DUSP22: variants seen among roughly 807,000 people sequenced by gnomAD.
The protein encoded by DUSP22 is dual specificity phosphatase 22, also known as dual specificity protein phosphatase 22.
DUSP22 carries 24 observed loss-of-function variants against 24.5 expected under a neutral mutation model. The ratio of observed to expected loss-of-function variants is 0.98; its 90% CI spans 0.71 to 1.38. The LOEUF (loss-of-function observed/expected upper bound fraction) is 1.38. DUSP22 is among the 40% of genes most tolerant of loss of function. The pLI is 0.00. For synonymous variants in DUSP22, 160 were observed against 106.4 expected, an observed-to-expected ratio of 1.50 and a Z score of -3.10; for missense variants, 330 against 269.2, an observed-to-expected ratio of 1.23 and a Z score of -1.58.
chr6:345,710 T>C, intron 4 of DUSP22, 144 bp from the exon 5 acceptor site: 1 of 964,464 alleles, frequency 1.0e-6, no homozygotes, highest in Non-Finnish European at 1.5e-6. Flanking sequence ...TGTCACACTG[T>C]AGCCCATAAA....
intron 4 of DUSP22, 36 bp from the exon 5 acceptor site, chr6:345,818 T>C (rs1759837469): frequency 1.2e-6 from 2 of 1,608,482 alleles, no homozygotes; most frequent in East Asian, 2.2e-5. Flanking sequence ...TTGAGTAAAG[T>C]AGAGAGATGT....
chr6:312,047 T>G, intron 3 of DUSP22, 85 bp downstream of exon 3: 1 of 1,408,740 alleles, frequency 7.1e-7, no homozygotes, highest in Non-Finnish European at 9.8e-7. Context: ...GCAACCAGGT[T>G]CTCTCCAATG....
intron 3 of DUSP22, among the ~76,000 whole-genome samples, chr6:312,803 C>G (rs1264159155): frequency 6.6e-6 from 1 of 152,284 alleles, no homozygotes; most frequent in Non-Finnish European, 1.5e-5. Flanking sequence ...ATTAGGGCTG[C>G]CAGATTTTAG....
Position 304,657 on chromosome 6 carries a change from C to A in DUSP22, c.51C>A (p.Phe17Leu), listed in dbSNP as rs756063227. The A allele has an allele frequency of 1.7e-5, 27 of 1,614,236 alleles. No individual in the cohort carries two copies. The highest frequency in any genetic ancestry group is 2.1e-5 in the Non-Finnish European group (25 of 1,180,004). The change falls in exon 2 of 7, where the codon TTC becomes TTA. Residue 17 changes from phenylalanine (F) to leucine (L), a missense_variant. Coordinates refer to ENST00000419235, the MANE Select transcript of DUSP22 (RefSeq NM_001286555.3). ...TGCCCGGCCTGTACATCGGCAACTTCAAAGGTGAGTTCTTGCTTTTTTATT... is the reference window on the plus strand; with the variant it reads ...TGCCCGGCCTGTACATCGGCAACTTAAAAGGTGAGTTCTTGCTTTTTTATT... Reference protein sequence around the residue: ...KILPGLYIGNFKDARDAEQLS... With the variant: ...KILPGLYIGNLKDARDAEQLS...
At chr6:316,312 C>T (rs1758333609) in intron 3 of DUSP22, among the ~76,000 whole-genome samples, 1 of 152,308 alleles carries the variant, frequency 6.6e-6, no homozygotes, top group Non-Finnish European at 1.5e-5. Context: ...GCACATGATG[C>T]TAGTAAAATG....
intron 3 of DUSP22, among the ~76,000 whole-genome samples, chr6:316,667 A>G (rs1758351459): frequency 6.6e-6 from 1 of 152,308 alleles, no homozygotes; most frequent in South Asian, 2.1e-4. Context: ...ACTCTTTCTA[A>G]TGTAAAAATT....
In DUSP22 at chr6:350,568, G is replaced by A. The variant is rs1322675105; in HGVS notation, c.*1617G>A. Reference sequence around the variant, plus strand: ...AAACAAAGTTGCCTGATTCCGCGCAGGTGCACAGGCCCCGGATGTACACCC... The same window carrying A: ...AAACAAAGTTGCCTGATTCCGCGCAAGTGCACAGGCCCCGGATGTACACCC... On this transcript the variant is annotated 3_prime_UTR_variant, in exon 7 of 7. Transcript: ENST00000419235. 5 of 1,396,392 alleles carry A rather than the reference G, an allele frequency of 3.6e-6. No homozygotes were observed. The highest frequency in any genetic ancestry group is 3.7e-6 in the Non-Finnish European group (4 of 1,078,380). The allele number at this position is 1,396,392 out of a possible 1,614,324, so 86.5% of individuals were successfully genotyped here.
chr6:314,588 A>C (rs1329814923), intron 3 of DUSP22, among the ~76,000 whole-genome samples: 1 of 152,310 alleles, frequency 6.6e-6, no homozygotes, highest in Non-Finnish European at 1.5e-5. Flanking sequence ...ATATTGTTGG[A>C]TGTGGCCATG....
At chr6:323,570 C>T (rs535288983) in intron 3 of DUSP22, among the ~76,000 whole-genome samples, 190 of 152,376 alleles carry the variant, frequency 1.2e-3, no homozygotes, top group Non-Finnish European at 2.2e-3. Flanking sequence ...TGGCTCCTTC[C>T]GTGAGAGGTG....
At chr6:293,898 C>A (rs1467100011) in intron 1 of DUSP22, among the ~76,000 whole-genome samples, 1 of 150,392 alleles carries the variant, frequency 6.6e-6, no homozygotes, top group African/African-American at 2.5e-5. Context: ...CACTGGAATC[C>A]ATCAGCACCA....
chr6:350,447 C>G lies in DUSP22; in HGVS notation c.*1496C>G, dbSNP rs1760142441. 3 of 1,131,976 alleles carry G rather than the reference C, an allele frequency of 2.7e-6. No individual in the cohort carries two copies. Among genetic ancestry groups the G allele is most frequent in the Non-Finnish European group, 3.3e-6 (3 of 920,276 alleles). The allele number at this position is 1,131,976 out of a possible 1,614,324, so 70.1% of individuals were successfully genotyped here. On this transcript the variant is annotated 3_prime_UTR_variant, in exon 7 of 7. Transcript: ENST00000419235. ...AAAAAGATGTTGCAACCCAGTTTCT[C>G]TGAATTCCACCACAAAAAGAGACCC...
intron 4 of DUSP22, among the ~76,000 whole-genome samples, chr6:344,326 C>T (rs1013101961): frequency 1.3e-5 from 2 of 152,302 alleles, no homozygotes; most frequent in African/African-American, 4.8e-5. Flanking sequence ...CGCTGTGTCG[C>T]TCAGGCTGGA....
intron 1 of DUSP22, among the ~76,000 whole-genome samples, chr6:298,075 C>CTGTGTGGAAAGCGGCT (rs1757422938): frequency 6.6e-6 from 1 of 152,308 alleles, no homozygotes; most frequent in South Asian, 2.1e-4. Context: ...GACAGATGGC[C>CTGTGTGGAAAGCGGCT]ACATGCCGGT....
At position 349,665 on chromosome 6, in the gene DUSP22, A is replaced by G; in HGVS notation, c.*714A>G. The G allele has an allele frequency of 7.1e-6, 7 of 986,156 alleles. No homozygotes were observed. Among genetic ancestry groups the G allele is most frequent in the Non-Finnish European group, 8.4e-6 (7 of 830,420 alleles). 61.1% of individuals were successfully genotyped at this position (986,156 alleles called of 1,614,324 possible). ...CCCTGAGCTGGTCCAGTGGGCCAGC[A>G]CTTTATACCAACTCAGCATTTAAGG... On this transcript the variant is annotated 3_prime_UTR_variant, in exon 7 of 7. Coordinates refer to ENST00000419235, the MANE Select transcript of DUSP22 (RefSeq NM_001286555.3).
chr6:306,692 AT>A (rs1477275353), intron 2 of DUSP22, among the ~76,000 whole-genome samples: 1 of 152,310 alleles, frequency 6.6e-6, no homozygotes, highest in Non-Finnish European at 1.5e-5. Flanking sequence ...GAGAGGAAGT[AT>A]TTTCCCCAAT....
intron 2 of DUSP22, among the ~76,000 whole-genome samples, chr6:308,944 C>T (rs569712394): frequency 3.3e-5 from 5 of 152,412 alleles, no homozygotes; most frequent in East Asian, 3.9e-4. Flanking sequence ...ACTGGGTCCT[C>T]GCCCCACCTC....
chr6:319,728 C>G (rs944612317), intron 3 of DUSP22, among the ~76,000 whole-genome samples: 2 of 152,296 alleles, frequency 1.3e-5, no homozygotes, highest in Admixed American at 1.3e-4. Flanking sequence ...GCTGTTTGAC[C>G]TGGAATGGTT....
At chr6:329,250 A>C (rs1034261082) in intron 3 of DUSP22, among the ~76,000 whole-genome samples, 1 of 152,302 alleles carries the variant, frequency 6.6e-6, no homozygotes, top group Admixed American at 6.5e-5. Context: ...GGTTTATATG[A>C]AAGTGCAGCA....
At chr6:336,128 C>T (rs1448962600) in intron 4 of DUSP22, among the ~76,000 whole-genome samples, 4 of 152,302 alleles carry the variant, frequency 2.6e-5, no homozygotes, top group African/African-American at 9.6e-5. Context: ...TTTCCTGAAG[C>T]ACACATCTGA....
Sources: gnomAD v4.1 joint callset for allele counts (sites outside exome capture counted in the v4.1 genomes callset) on GRCh38, gnomAD v4.1.1 for gene constraint, MANE v1.5 for transcripts, NCBI Gene and HGNC (gene_info 2026-07-23, HGNC 2026-07-21) for gene names.